Variants in PRSS23 observed in about 807,000 individuals in gnomAD.
PRSS23 encodes protease, serine 23.
Under a neutral mutation model 34.7 loss-of-function variants are expected in PRSS23, and 25 were observed. That is an observed-to-expected ratio of 0.72 (90% CI 0.53 to 1.01). The LOEUF is 1.01. Ranked by LOEUF, PRSS23 falls within the 50% of genes least tolerant of loss-of-function variation. The pLI, the probability that PRSS23 is intolerant of heterozygous loss-of-function variation, is 0.00. For missense variants in PRSS23, 445 were observed against 475.6 expected (o/e 0.94, Z 0.60); for synonymous variants, 176 against 186.6 (o/e 0.94, Z 0.46).
intron 1 of PRSS23, among the ~76,000 whole-genome samples, chr11:86,805,484 T>C (rs1948090157): frequency 6.6e-6 from 1 of 152,220 alleles, no homozygotes; most frequent in Admixed American, 6.5e-5. Flanking sequence ...TTTTCAAGGA[T>C]TTAAAGAAAT....
At position 86,939,424 on chromosome 11, in the gene PRSS23, ATATT is replaced by A. The variant is rs1336611773; in HGVS notation, c.207-11790_207-11787del. ...AAAAAATATATATATATATATATAT[ATATT>A]TTTTAACATGAGTAAAAATTGCAAA... On this transcript the variant is annotated intron_variant, in intron 2 of 2. Transcript: ENST00000533902. 3.9e-4 allele frequency among the ~76,000 whole-genome samples: 33 copies of A among 84,012 alleles called. No individual in the cohort carries two copies. In the South Asian group the frequency reaches 8.9e-3, roughly 23 times the overall value. 55.1% of individuals were successfully genotyped at this position (84,012 alleles called of 152,430 possible).
chr11:86,894,170 C>A (rs761818508), intron 2 of PRSS23, among the ~76,000 whole-genome samples: 6 of 152,114 alleles, frequency 3.9e-5, no homozygotes, highest in Non-Finnish European at 7.4e-5. Context: ...TGTGCCACCA[C>A]GCCTGGCTAA....
intron 2 of PRSS23, chr11:86,832,604 A>C (rs945408437): frequency 2.0e-6 from 1 of 496,220 alleles, no homozygotes; most frequent in African/African-American, 2.0e-5. Context: ...GGGGTTCAGC[A>C]TGGGGGTGAT....
chr11:86,875,099 T>G (rs1305064259), intron 2 of PRSS23, among the ~76,000 whole-genome samples: 1 of 152,216 alleles, frequency 6.6e-6, no homozygotes, highest in Non-Finnish European at 1.5e-5. Flanking sequence ...AGTTACCCAG[T>G]CTCACAACTG....
At chr11:86,945,116 A>G (rs1949231753) in intron 2 of PRSS23, among the ~76,000 whole-genome samples, 1 of 152,168 alleles carries the variant, frequency 6.6e-6, no homozygotes, top group African/African-American at 2.4e-5. Flanking sequence ...CAGACCATCC[A>G]ATTTATAAAA....
intron 2 of PRSS23, among the ~76,000 whole-genome samples, chr11:86,824,536 A>T (rs1220603795): frequency 6.6e-6 from 1 of 150,614 alleles, no homozygotes; most frequent in Non-Finnish European, 1.5e-5. Context: ...TGTGCAGGTT[A>T]GTTACATATG....
At chr11:86,913,016 C>T (rs968962645) in intron 2 of PRSS23, among the ~76,000 whole-genome samples, 2 of 152,134 alleles carry the variant, frequency 1.3e-5, no homozygotes, top group Admixed American at 6.6e-5. Flanking sequence ...TTGTTTTGGC[C>T]TTAGTTGGGC....
intron 2 of PRSS23, among the ~76,000 whole-genome samples, chr11:86,898,249 A>G (rs868336829): frequency 5.3e-5 from 8 of 152,184 alleles, no homozygotes; most frequent in Admixed American, 3.9e-4. Flanking sequence ...CTCTATTTCC[A>G]TGGATTTTAG....
At chr11:86,840,005 T>C (rs1185295425) in intron 2 of PRSS23, among the ~76,000 whole-genome samples, 1 of 151,532 alleles carries the variant, frequency 6.6e-6, no homozygotes, top group Non-Finnish European at 1.5e-5. Flanking sequence ...ACATGCCAAA[T>C]TGTAAAGACA....
intron 1 of PRSS23, among the ~76,000 whole-genome samples, chr11:86,819,619 C>G (rs960539565): frequency 3.9e-5 from 6 of 152,032 alleles, no homozygotes; most frequent in Non-Finnish European, 7.4e-5. Flanking sequence ...CTGTTCAAAG[C>G]CAAAAAGACT....
At chr11:86,866,678 G>T (rs971913669) in intron 2 of PRSS23, among the ~76,000 whole-genome samples, 1 of 152,206 alleles carries the variant, frequency 6.6e-6, no homozygotes, top group Non-Finnish European at 1.5e-5. Flanking sequence ...TGATCCCAGT[G>T]TTGGAAATGG....
intron 2 of PRSS23, chr11:86,857,507 G>C: frequency 2.3e-6 from 1 of 438,770 alleles, no homozygotes; most frequent in Non-Finnish European, 4.5e-6. Flanking sequence ...TGAAGAAGGT[G>C]AGTTGTGTAA....
intron 2 of PRSS23, among the ~76,000 whole-genome samples, chr11:86,893,853 G>A (rs1333365898): frequency 6.6e-6 from 1 of 152,046 alleles, no homozygotes; most frequent in Non-Finnish European, 1.5e-5. Context: ...TCAGCTCAAA[G>A]GAGAATTTAA....
At chr11:86,821,584 T>G (rs1024427683) in intron 1 of PRSS23, 1 of 1,608,788 alleles carries the variant, frequency 6.2e-7, no homozygotes, top group African/African-American at 1.3e-5. Flanking sequence ...CAAGTCCGTT[T>G]AGCTCAAGAC....
downstream of PRSS23, among the ~76,000 whole-genome samples, chr11:86,814,827 A>G (rs957258112): frequency 6.6e-6 from 1 of 152,166 alleles, no homozygotes; most frequent in African/African-American, 2.4e-5. Flanking sequence ...GGGCTCAGGG[A>G]GGCCCTCTGC....
chr11:86,844,970 C>A (rs1335802613), intron 2 of PRSS23, among the ~76,000 whole-genome samples: 2 of 152,024 alleles, frequency 1.3e-5, no homozygotes, highest in African/African-American at 2.4e-5. Flanking sequence ...ATACCTGTTA[C>A]CCTAGCTACT....
intron 2 of PRSS23, among the ~76,000 whole-genome samples, chr11:86,851,756 C>T (rs1281060804): frequency 1.3e-5 from 2 of 152,150 alleles, no homozygotes; most frequent in African/African-American, 4.8e-5. Context: ...ACTTAGGAAG[C>T]CCTCAGTAAG....
chr11:86,857,483 G>A, intron 2 of PRSS23: 1 of 407,410 alleles, frequency 2.5e-6, no homozygotes, highest in Non-Finnish European at 4.8e-6. Flanking sequence ...AAAAATTATA[G>A]ATTTCCACAT....
Position 86,809,383 on chromosome 11 carries a change from A to G in PRSS23, c.*588A>G, listed in dbSNP as rs1188396954. ...TGAACAGTAAAATGATGTGTTGACTATACTGATACACATATTAAACTATAC... is the reference window on the plus strand; with the variant it reads ...TGAACAGTAAAATGATGTGTTGACTGTACTGATACACATATTAAACTATAC... On this transcript the variant is annotated 3_prime_UTR_variant, in exon 2 of 2. Transcript: ENST00000280258. 6.0e-6 allele frequency: 1 copy of G among 167,238 alleles called. No homozygotes were observed. Among genetic ancestry groups the G allele is most frequent in the Non-Finnish European group, 1.5e-5 (1 of 68,238 alleles). 10.4% of individuals were successfully genotyped at this position (167,238 alleles called of 1,614,324 possible).
Sources: gnomAD v4.1 joint callset for allele counts (sites outside exome capture counted in the v4.1 genomes callset) on GRCh38, gnomAD v4.1.1 for gene constraint, MANE v1.5 for transcripts, NCBI Gene and HGNC (gene_info 2026-07-23, HGNC 2026-07-21) for gene names.